Variants in NHS observed in about 807,000 individuals in gnomAD.
The protein encoded by NHS is actin remodeling regulator NHS.
Under a neutral mutation model 72.5 loss-of-function variants are expected in NHS, and 5 were observed. The ratio of observed to expected loss-of-function variants is 0.07; its 90% CI spans 0.04 to 0.14. The LOEUF (loss-of-function observed/expected upper bound fraction) is 0.14, where lower values mean the gene tolerates loss of function less well. Among genes scored for constraint, NHS ranks in the 10% least tolerant of loss-of-function variants. The probability of loss-of-function intolerance (pLI) is 1.00; values close to 1 mark genes in which losing one functional copy is unlikely to be tolerated. For missense variants in NHS, 1,072 were observed against 1,355.7 expected (o/e 0.79, Z 3.29); for synonymous variants, 464 against 547.7 (o/e 0.85, Z 2.13).
At chrX:17,685,924 AG>A (rs1000021820) in intron 1 of NHS, among the ~76,000 whole-genome samples, 3 of 112,139 alleles carry the variant, frequency 2.7e-5, no homozygotes, top group African/African-American at 9.7e-5. Context: ...ATGCTTTATG[AG>A]GGTCGGGATT....
intron 1 of NHS, among the ~76,000 whole-genome samples, chrX:17,467,395 A>T (rs919188222): frequency 4.5e-5 from 5 of 111,609 alleles, no homozygotes; most frequent in African/African-American, 1.6e-4. Context: ...ACTTAATAAG[A>T]TTTCATGATT....
chrX:17,560,038 G>A (rs1408291730), intron 1 of NHS, among the ~76,000 whole-genome samples: 2 of 111,889 alleles, frequency 1.8e-5, no homozygotes, highest in African/African-American at 3.3e-5. Flanking sequence ...AAAACAGACC[G>A]TTTAACAGTA....
chrX:17,599,474 A>G (rs1307086556), intron 1 of NHS, among the ~76,000 whole-genome samples: 1 of 110,416 alleles, frequency 9.1e-6, no homozygotes, highest in Non-Finnish European at 1.9e-5. Context: ...ATTTTTTACC[A>G]CAGATTTAGA....
rs895508623 is a variant in NHS, at chrX:17,549,210, T to G, written c.566-138532T>G. Among the ~76,000 whole-genome samples, 3 of 33,987 alleles carry G rather than the reference T, an allele frequency of 8.8e-5. No individual in the cohort carries two copies. In the African/African-American group the frequency reaches 1.4e-3, roughly 16 times the overall value. 29.5% of individuals were successfully genotyped at this position (33,987 alleles called of 115,157 possible). ...CAGAAAAACAGCCCTCTTCAGTGTC[T>G]GCCAGGCCAGGCCAGGGCCAGGTCC... is the stretch of plus-strand genomic sequence containing the variant. On this transcript the variant is annotated intron_variant, in intron 1 of 8. Transcript: ENST00000676302.
intron 1 of NHS, among the ~76,000 whole-genome samples, chrX:17,655,134 C>T (rs1408151455): frequency 8.9e-6 from 1 of 111,997 alleles, no homozygotes; most frequent in Non-Finnish European, 1.9e-5. Context: ...CTGTTATATG[C>T]GGGCACATGC....
chrX:17,685,707 G>A (rs2066158450), intron 1 of NHS, among the ~76,000 whole-genome samples: 3 of 111,960 alleles, frequency 2.7e-5, no homozygotes, highest in South Asian at 7.5e-4. Flanking sequence ...TGAAATTTGG[G>A]ATCACCTGCT....
intron 3 of NHS, among the ~76,000 whole-genome samples, chrX:17,695,257 G>T (rs976128927): frequency 4.5e-5 from 5 of 111,974 alleles, no homozygotes; most frequent in Non-Finnish European, 9.4e-5. Context: ...TGTATGCAAA[G>T]ATTTATTCAC....
intron 1 of NHS, among the ~76,000 whole-genome samples, chrX:17,511,020 A>G (rs1465505714): frequency 1.8e-5 from 2 of 111,938 alleles, no homozygotes; most frequent in Non-Finnish European, 3.8e-5. Flanking sequence ...GTGTTCAGCC[A>G]TGGGTGGTGA....
chrX:17,704,447 C>G (rs1347839924), intron 3 of NHS, among the ~76,000 whole-genome samples: 2 of 109,748 alleles, frequency 1.8e-5, no homozygotes, highest in Non-Finnish European at 3.8e-5. Context: ...ATTACAGTTA[C>G]GCGCCACCAC....
chrX:17,419,109 C>T (rs943509118), intron 1 of NHS, among the ~76,000 whole-genome samples: 6 of 112,422 alleles, frequency 5.3e-5, no homozygotes, highest in South Asian at 3.7e-4. Flanking sequence ...TTAAATGCAT[C>T]GTAAAATCAG....
intron 1 of NHS, among the ~76,000 whole-genome samples, chrX:17,538,137 G>C (rs1025066529): frequency 8.9e-6 from 1 of 111,867 alleles, no homozygotes; most frequent in Admixed American, 9.5e-5. Context: ...TGAACTTCTT[G>C]AGTTCAGATT....
chrX:17,565,191 G>T (rs1337865873), intron 1 of NHS, among the ~76,000 whole-genome samples: 1 of 110,920 alleles, frequency 9.0e-6, no homozygotes, highest in Non-Finnish European at 1.9e-5. Context: ...TGCCCTGCCA[G>T]GAAGCTGGTG....
intron 1 of NHS, among the ~76,000 whole-genome samples, chrX:17,592,534 C>T (rs374368303): frequency 1.8e-5 from 2 of 112,220 alleles, no homozygotes; most frequent in South Asian, 3.7e-4. Context: ...CCCATTTTAA[C>T]ATCGTCTCAA....
chrX:17,485,768 G>A (rs10126721), intron 1 of NHS, among the ~76,000 whole-genome samples: 1 of 110,139 alleles, frequency 9.1e-6, no homozygotes, highest in Admixed American at 9.7e-5. Context: ...CTTTCCGATC[G>A]TAGGTTTGTG....
intron 1 of NHS, among the ~76,000 whole-genome samples, chrX:17,521,781 ATCAT>A (rs746819334): frequency 2.9e-4 from 33 of 112,443 alleles, no homozygotes; most frequent in Non-Finnish European, 3.4e-4. Flanking sequence ...TCTTCTTTTA[ATCAT>A]TCATTCATTT....
At chrX:17,537,696 A>G (rs1489932409) in intron 1 of NHS, among the ~76,000 whole-genome samples, 1 of 112,084 alleles carries the variant, frequency 8.9e-6, no homozygotes, top group East Asian at 2.8e-4. Flanking sequence ...TAGGGGTTAG[A>G]CAAAGGTCAG....
At chrX:17,522,716 C>T (rs1264028381) in intron 1 of NHS, among the ~76,000 whole-genome samples, 4 of 110,899 alleles carry the variant, frequency 3.6e-5, no homozygotes, top group Admixed American at 9.6e-5. Context: ...TTTAGAGACC[C>T]CGAATGTTAA....
At chrX:17,712,112 C>G (rs908726661) in intron 3 of NHS, among the ~76,000 whole-genome samples, 7 of 105,860 alleles carry the variant, frequency 6.6e-5, no homozygotes, top group South Asian at 8.6e-4. Context: ...TCCAGTCACT[C>G]TACATCTTTA....
chrX:17,570,049 G>T (rs1026946495), intron 1 of NHS, among the ~76,000 whole-genome samples: 1 of 111,652 alleles, frequency 9.0e-6, no homozygotes, highest in Admixed American at 9.5e-5. Flanking sequence ...GGTACCAGTA[G>T]CATGCTGTTT....
Sources: allele counts gnomAD v4.1 joint callset (sites outside exome capture counted in the v4.1 genomes callset), GRCh38; gene constraint gnomAD v4.1.1; transcripts MANE v1.5; gene names NCBI Gene and HGNC (gene_info 2026-07-23, HGNC 2026-07-21).